Variants in STXBP5L observed in about 807,000 individuals in gnomAD.
STXBP5L encodes the protein syntaxin binding protein 5L.
STXBP5L carries 65 observed loss-of-function variants against 144.5 expected under a neutral mutation model. That is an observed-to-expected ratio of 0.45 (90% confidence interval 0.37 to 0.55). STXBP5L has a LOEUF of 0.55. STXBP5L is among the 20% of genes least tolerant of loss of function. The pLI is 0.00. For synonymous variants in STXBP5L, 505 were observed against 469.6 expected, an observed-to-expected ratio of 1.08 and a Z score of -0.97; for missense variants, 1,298 against 1,405.5, an observed-to-expected ratio of 0.92 and a Z score of 1.22.
At chr3:121,081,269 A>C (rs1308292315) in intron 5 of STXBP5L, among the ~76,000 whole-genome samples, 1 of 152,080 alleles carries the variant, frequency 6.6e-6, no homozygotes, top group Non-Finnish European at 1.5e-5. Flanking sequence ...TTTTTAAAAA[A>C]TTTCTTTGTG....
chr3:121,080,851 T>G (rs1051417041), intron 5 of STXBP5L, among the ~76,000 whole-genome samples: 6 of 152,228 alleles, frequency 3.9e-5, no homozygotes, highest in African/African-American at 1.4e-4. Context: ...GCTGATAATT[T>G]TTTTGTGATG....
At chr3:121,047,810 T>C (rs529035602) in intron 5 of STXBP5L, among the ~76,000 whole-genome samples, 1 of 152,324 alleles carries the variant, frequency 6.6e-6, no homozygotes, top group African/African-American at 2.4e-5. Context: ...AGCTTGCCAC[T>C]CTGTGCCTTT....
intron 5 of STXBP5L, among the ~76,000 whole-genome samples, chr3:121,102,731 C>T (rs1030356281): frequency 2.0e-5 from 3 of 152,084 alleles, no homozygotes; most frequent in South Asian, 2.1e-4. Context: ...AACTTCTGCA[C>T]AGCAAGATAA....
At chr3:121,009,517 G>T in intron 3 of STXBP5L, among the ~76,000 whole-genome samples, 1 of 151,978 alleles carries the variant, frequency 6.6e-6, no homozygotes, top group South Asian at 2.1e-4. Context: ...TCTGAATGTG[G>T]TAGCAGTTCA....
intron 7 of STXBP5L, among the ~76,000 whole-genome samples, chr3:121,136,191 G>A (rs1284000859): frequency 6.6e-6 from 1 of 152,168 alleles, no homozygotes; most frequent in African/African-American, 2.4e-5. Flanking sequence ...AGGCAGCACA[G>A]CACAGAGAGA....
chr3:121,304,101 A>G (rs2108498145), intron 19 of STXBP5L, among the ~76,000 whole-genome samples: 1 of 152,286 alleles, frequency 6.6e-6, no homozygotes, highest in African/African-American at 2.4e-5. Flanking sequence ...AAAAGCTGAT[A>G]TGGCTATATT....
chr3:121,271,129 C>G (rs991875993), intron 18 of STXBP5L, among the ~76,000 whole-genome samples: 12 of 152,148 alleles, frequency 7.9e-5, no homozygotes, highest in African/African-American at 2.9e-4. Flanking sequence ...TGTTACCCTT[C>G]TATATTTATA....
rs142247025 is a variant in STXBP5L at position 121,065,255 on chromosome 3, C to G, written c.470+19720C>G. Among the ~76,000 whole-genome samples the G allele has an allele frequency of 2.5e-3, 382 of 152,016 alleles. 2 individuals carry two copies. Among genetic ancestry groups the G allele is most frequent in the African/African-American group, 8.6e-3 (357 of 41,464 alleles). ...GATTTATTTTCCTTTGGGTATATACCCAGTAATGGGATTGCTGGGTCAAAT... is the reference window on the plus strand; with the variant it reads ...GATTTATTTTCCTTTGGGTATATACGCAGTAATGGGATTGCTGGGTCAAAT... On this transcript the variant is annotated intron_variant, in intron 5 of 26. Coordinates refer to ENST00000471454, the MANE Select transcript of STXBP5L (RefSeq NM_001308330.2).
chr3:121,018,314 C>G (rs4611762), intron 3 of STXBP5L, among the ~76,000 whole-genome samples: 8,015 of 152,104 alleles, frequency 0.053, 311 homozygotes, highest in Middle Eastern at 0.092. Context: ...TACTGGACTT[C>G]AAGTCTTATT....
intron 20 of STXBP5L, among the ~76,000 whole-genome samples, chr3:121,330,583 T>G (rs568045643): frequency 2.0e-4 from 31 of 152,092 alleles, no homozygotes; most frequent in Admixed American, 9.2e-4. Context: ...ACTTGAGACA[T>G]CAGAGTACCT....
intron 3 of STXBP5L, among the ~76,000 whole-genome samples, chr3:121,017,165 C>T (rs569754439): frequency 6.6e-6 from 1 of 152,226 alleles, no homozygotes; most frequent in South Asian, 2.1e-4. Context: ...ATCACACCAA[C>T]AGGCTACAGA....
intron 3 of STXBP5L, among the ~76,000 whole-genome samples, chr3:120,982,017 A>C (rs1391219720): frequency 6.6e-6 from 1 of 152,180 alleles, no homozygotes; most frequent in African/African-American, 2.4e-5. Flanking sequence ...GTATTTGAGC[A>C]GGCTAATTGC....
At chr3:121,110,467 A>G (rs900905500) in intron 5 of STXBP5L, among the ~76,000 whole-genome samples, 4 of 152,092 alleles carry the variant, frequency 2.6e-5, no homozygotes, top group African/African-American at 9.7e-5. Context: ...AAAGGATTTT[A>G]TTTCTCCTTC....
At chr3:121,045,108 C>A (rs1947422397) in intron 4 of STXBP5L, among the ~76,000 whole-genome samples, 1 of 151,944 alleles carries the variant, frequency 6.6e-6, no homozygotes, top group South Asian at 2.1e-4. Context: ...ACAGTAGAAA[C>A]AAAAACCATC....
chr3:121,103,770 G>T (rs1265524909), intron 5 of STXBP5L, among the ~76,000 whole-genome samples: 1 of 152,144 alleles, frequency 6.6e-6, no homozygotes, highest in Admixed American at 6.6e-5. Flanking sequence ...ACTTCTGTTG[G>T]TTAAGAGAAA....
At chr3:121,358,727 A>G (rs190178793) in intron 20 of STXBP5L, among the ~76,000 whole-genome samples, 347 of 152,286 alleles carry the variant, frequency 2.3e-3, no homozygotes, top group African/African-American at 8.0e-3. Context: ...GATCGCACAA[A>G]TAAGTGAGAA....
At chr3:121,046,945 T>C (rs914146379) in intron 5 of STXBP5L, among the ~76,000 whole-genome samples, 3 of 152,102 alleles carry the variant, frequency 2.0e-5, no homozygotes, top group Non-Finnish European at 2.9e-5. Flanking sequence ...GGTGTAATGT[T>C]AGGTTGCTAA....
intron 3 of STXBP5L, among the ~76,000 whole-genome samples, chr3:120,999,265 C>T (rs1943587273): frequency 1.3e-5 from 2 of 152,134 alleles, no homozygotes; most frequent in Admixed American, 6.6e-5. Flanking sequence ...GTTGGCCAGG[C>T]TTGTCTTGAA....
At position 120,944,741 on chromosome 3, in the gene STXBP5L, G is replaced by A. The variant is rs142577460; in HGVS notation, c.190-10199G>A. On this transcript the variant is annotated intron_variant, in intron 2 of 26. Transcript: ENST00000471454. ...TATTTTTTTGAATCACAATGTGATGGAGTTTCATGGGAACTTGTTATTTCT... is the reference window on the plus strand; with the variant it reads ...TATTTTTTTGAATCACAATGTGATGAAGTTTCATGGGAACTTGTTATTTCT... Among the ~76,000 whole-genome samples the A allele has an allele frequency of 4.6e-3, 692 of 151,858 alleles. 4 individuals are homozygous for A. The highest frequency in any genetic ancestry group is 0.016 in the African/African-American group (659 of 41,496).
Sources: allele counts gnomAD v4.1 joint callset (sites outside exome capture counted in the v4.1 genomes callset), GRCh38; gene constraint gnomAD v4.1.1; transcripts MANE v1.5; gene names NCBI Gene and HGNC (gene_info 2026-07-23, HGNC 2026-07-21).